Variants in CFD observed in about 807,000 individuals in gnomAD.
CFD encodes C3 convertase activator.
In CFD, 24 loss-of-function variants were observed where a neutral mutation model predicts 21.1. That is an observed-to-expected ratio of 1.14 (90% confidence interval 0.82 to 1.60). The LOEUF is 1.60. Among genes scored for constraint, CFD ranks in the 40% most tolerant of loss-of-function variants. CFD has a pLI of 0.00. For missense variants in CFD, 535 were observed against 383.3 expected, an observed-to-expected ratio of 1.40 and a Z score of -3.31; for synonymous variants, 242 against 175.9, an observed-to-expected ratio of 1.38 and a Z score of -2.97.
At chr19:860,536 G>T (rs899735197) in intron 1 of CFD, 81 bp from the exon 2 acceptor site, 10 of 1,322,100 alleles carry the variant, frequency 7.6e-6, no homozygotes, top group Non-Finnish European at 9.7e-6. Context: ...GGCCTGGGGG[G>T]TGAGAGCTGG....
chr19:861,845 CGTGCTCTTGCCA>C lies in CFD; in HGVS notation c.510_521del (p.Leu171_Leu174del). ...GCCGCCGCCCGGACAGCCTGCAGCA[CGTGCTCTTGCCA>C]GTGCTGGACCGCGCCACCTGCAACC... On this transcript the variant is annotated inframe_deletion, in exon 4 of 5. Coordinates refer to ENST00000327726, the MANE Select transcript of CFD (RefSeq NM_001928.4). 4 of 1,599,702 alleles carry C rather than the reference CGTGCTCTTGCCA, an allele frequency of 2.5e-6. No individual in the cohort carries two copies. Among genetic ancestry groups the C allele is most frequent in the Non-Finnish European group, 3.4e-6 (4 of 1,178,398 alleles).
chr19:860,686 C>A lies in CFD; in HGVS notation c.125C>A (p.Ser42Ter), dbSNP rs104894667. The change falls in exon 2 of 5, where the codon TCG (serine) becomes TAG (stop). Residue 42 changes from serine (S) to a stop codon, truncating the protein, a stop_gained. Transcript: ENST00000327726. LOFTEE classifies it high-confidence loss of function. ...AEAHARPYMASVQLNGAHLCG... is the reference protein window; with the variant it reads ...AEAHARPYMA Reference sequence around the variant, plus strand: ...GCGCACGCGCGGCCCTACATGGCGTCGGTGCAGCTGAACGGCGCGCACCTG... The same window carrying A: ...GCGCACGCGCGGCCCTACATGGCGTAGGTGCAGCTGAACGGCGCGCACCTG... 26 of 1,542,878 alleles carry A rather than the reference C, an allele frequency of 1.7e-5. No homozygotes were observed. The highest frequency in any genetic ancestry group is 2.4e-5 in the South Asian group (2 of 84,658).
At position 863,216 on chromosome 19, in the gene CFD, G is replaced by A. The variant is rs1165648866; in HGVS notation, c.740G>A (p.Trp247Ter). The A allele has an allele frequency of 5.2e-6, 8 of 1,544,590 alleles. No individual in the cohort carries two copies. Among genetic ancestry groups the A allele is most frequent in the African/African-American group, 1.4e-5 (1 of 73,880 alleles). ...ACCCGCGTGGCGAGCTATGCGGCCT[G>A]GATCGACAGCGTCCTGGCCTAGGGT... Reference protein sequence around the residue: ...IYTRVASYAAWIDSVLA With the variant: ...IYTRVASYAA Residue 247 changes from tryptophan to a stop codon, truncating the protein, a stop_gained, in exon 5 of 5, where the codon TGG becomes TAG. Transcript: ENST00000327726. LOFTEE classifies it high-confidence loss of function.
intron 3 of CFD, 69 bp downstream of exon 3, chr19:861,074 C>T: frequency 1.3e-6 from 2 of 1,515,024 alleles, no homozygotes; most frequent in Non-Finnish European, 1.8e-6. Context: ...TCCACCCCGC[C>T]TACACCGCGC....
Position 860,533 on chromosome 19 carries a change from G to C in CFD, c.56-84G>C, listed in dbSNP as rs554654291. 21 of 1,310,842 alleles carry C rather than the reference G, an allele frequency of 1.6e-5. No individual in the cohort carries two copies. The Admixed American group carries it at 2.0e-4, about 12-fold the overall frequency. The allele number at this position is 1,310,842 out of a possible 1,614,324, so 81.2% of individuals were successfully genotyped here. On this transcript the variant is annotated intron_variant, in intron 1 of 4. Transcript: ENST00000327726. ...GGGATTCTTGCGGGGAGCGGCCTGG[G>C]GGGTGAGAGCTGGGATCCCGTCAGG... is the stretch of plus-strand genomic sequence containing the variant.
rs1442661411 is a variant in CFD at position 863,150 on chromosome 19, G to C, written c.674G>C (p.Gly225Ala). Residue 225 changes from glycine (G) to alanine (A), a missense_variant, in exon 5 of 5, where the codon GGC becomes GCC. Physicochemically the swap from Gly to Ala is moderately conservative, Grantham distance 60 (BLOSUM62 0). Coordinates refer to ENST00000327726, the MANE Select transcript of CFD (RefSeq NM_001928.4). The stretch of plus-strand genomic sequence containing the variant: ...GTGCTCGAGGGCGTGGTCACCTCGG[G>C]CTCGCGCGTTTGCGGCAACCGCAAG... ...GGVLEGVVTS[G>A]SRVCGNRKKP... The C allele has an allele frequency of 4.6e-6, 7 of 1,535,864 alleles. No homozygotes were observed. Among genetic ancestry groups the C allele is most frequent in the Non-Finnish European group, 6.1e-6 (7 of 1,146,210 alleles).
chr19:860,457 C>T (rs2035770155), intron 1 of CFD, among the ~76,000 whole-genome samples, 160 bp from the exon 2 acceptor site: 1 of 151,484 alleles, frequency 6.6e-6, no homozygotes, highest in Non-Finnish European at 1.5e-5. Context: ...CGCCCCCGCG[C>T]GGCTTCACAA....
At position 861,872 on chromosome 19, in the gene CFD, C is replaced by T. The variant is rs1404455954; in HGVS notation, c.531C>T (p.Ala177=). ...TGCTCTTGCCAGTGCTGGACCGCGCCACCTGCAACCGGCGCACGCACCACG... is the reference window on the plus strand; with the variant it reads ...TGCTCTTGCCAGTGCTGGACCGCGCTACCTGCAACCGGCGCACGCACCACG... ...QHVLLPVLDR[A]TCNRRTHHDG... is the part of the protein sequence containing the mutation. Residue 177 remains alanine, a synonymous_variant, in exon 4 of 5, where the codon GCC becomes GCT. Transcript: ENST00000327726. 6.3e-7 allele frequency: 1 copy of T among 1,593,520 alleles called. No individual in the cohort carries two copies. The highest frequency in any genetic ancestry group is 8.5e-7 in the Non-Finnish European group (1 of 1,176,112).
chr19:863,008 G>T, intron 4 of CFD, 84 bp from the exon 5 acceptor site: 1 of 1,321,234 alleles, frequency 7.6e-7, no homozygotes. Flanking sequence ...TGTGGGGCGG[G>T]AGCGGCAGCC....
chr19:860,894 G>T lies in CFD; in HGVS notation c.246G>T (p.Ala82=). Residue 82 remains alanine, a synonymous_variant, in exon 3 of 5, where the codon GCG becomes GCT. Transcript: ENST00000327726. ...GGAAGGTGCAGGTTCTCCTGGGCGC[G>T]CACTCCCTGTCGCAGCCGGAGCCCT... ...ADGKVQVLLG[A]HSLSQPEPSK... 1 of 1,587,054 alleles carries T rather than the reference G, an allele frequency of 6.3e-7. No homozygotes were observed. The highest frequency in any genetic ancestry group is 8.5e-7 in the Non-Finnish European group (1 of 1,172,464).
chr19:862,080 C>T (rs1238006560), intron 4 of CFD, 124 bp downstream of exon 4: 2 of 477,094 alleles, frequency 4.2e-6, no homozygotes, highest in Non-Finnish European at 5.1e-6. Flanking sequence ...GCGTAGGGGG[C>T]GGGAACTGGA....
Position 863,304 on chromosome 19 carries a change from C to G in CFD, c.*66C>G. 1.3e-6 allele frequency: 2 copies of G among 1,525,250 alleles called. No homozygotes were observed. Among genetic ancestry groups the G allele is most frequent in the East Asian group, 4.9e-5 (2 of 41,188 alleles). The allele number at this position is 1,525,250 out of a possible 1,614,324, so 94.5% of individuals were successfully genotyped here. ...GTCCCGAGCAATGAAGTCATCCACTCCTGCATCTGGTTGGTCTTTATTGAG... is the reference window on the plus strand; with the variant it reads ...GTCCCGAGCAATGAAGTCATCCACTGCTGCATCTGGTTGGTCTTTATTGAG... On this transcript the variant is annotated 3_prime_UTR_variant, in exon 5 of 5. Coordinates refer to ENST00000327726, the MANE Select transcript of CFD (RefSeq NM_001928.4).
In CFD at chr19:860,963, C is replaced by T. The variant is rs759955297; in HGVS notation, c.315C>T (p.Asp105=). ...YDVLRAVPHP[D]SQPDTIDHDL... is the part of the protein sequence containing the mutation. ...TGCTCCGCGCAGTGCCCCACCCGGA[C>T]AGCCAGCCCGACACCATCGACCACG... Residue 105 remains aspartate, a synonymous_variant, in exon 3 of 5, where the codon GAC becomes GAT. Transcript: ENST00000327726. 1.2e-6 allele frequency: 2 copies of T among 1,600,460 alleles called. No homozygotes were observed. The highest frequency in any genetic ancestry group is 2.2e-5 in the South Asian group (2 of 91,046).
At chr19:859,794 G>A (rs1316269507) in intron 1 of CFD, 50 bp downstream of exon 1, 2 of 1,427,088 alleles carry the variant, frequency 1.4e-6, no homozygotes, top group South Asian at 1.2e-5. Context: ...TAGGGGCGTG[G>A]TGCTCCCTTC....
In CFD at chr19:860,855, C is replaced by T. The variant is rs1200341283; in HGVS notation, c.213-6C>T. ...GCACCGACCGCGGACTCCGTCCGGTCCCCAGGGCCGACGGGAAGGTGCAGG... is the reference window on the plus strand; with the variant it reads ...GCACCGACCGCGGACTCCGTCCGGTTCCCAGGGCCGACGGGAAGGTGCAGG... On this transcript the variant is annotated splice_polypyrimidine_tract_variant and splice_region_variant and intron_variant, in intron 2 of 4. Coordinates refer to ENST00000327726, the MANE Select transcript of CFD (RefSeq NM_001928.4). The T allele has an allele frequency of 6.4e-7, 1 of 1,567,182 alleles. No individual in the cohort carries two copies. Among genetic ancestry groups the T allele is most frequent in the Non-Finnish European group, 8.6e-7 (1 of 1,162,786 alleles).
chr19:862,703 G>C (rs2035820636), intron 4 of CFD, among the ~76,000 whole-genome samples: 1 of 151,542 alleles, frequency 6.6e-6, no homozygotes, highest in South Asian at 2.1e-4. Context: ...CCTGAGGTGA[G>C]TGGGGACTGA....
rs775029790 is a variant in CFD at position 863,240 on chromosome 19, G to A, written c.*2G>A. The A allele has an allele frequency of 2.6e-6, 4 of 1,547,412 alleles. No homozygotes were observed. Among genetic ancestry groups the A allele is most frequent in the Non-Finnish European group, 3.5e-6 (4 of 1,153,162 alleles). ...TGGATCGACAGCGTCCTGGCCTAGG[G>A]TGCCGGGGCCTGAAGGTCAGGGTCA... is the stretch of plus-strand genomic sequence containing the variant. On this transcript the variant is annotated 3_prime_UTR_variant, in exon 5 of 5. Coordinates refer to ENST00000327726, the MANE Select transcript of CFD (RefSeq NM_001928.4).
At chr19:862,920 T>G (rs1027433739) in intron 4 of CFD, among the ~76,000 whole-genome samples, 172 bp from the exon 5 acceptor site, 1 of 151,628 alleles carries the variant, frequency 6.6e-6, no homozygotes, top group African/African-American at 2.4e-5. Flanking sequence ...GGCTTGTGGT[T>G]GTGGCCTAGG....
Position 863,173 on chromosome 19 carries a change from AAG to A in CFD, c.699_700del (p.Lys234AlafsTer109). On this transcript the variant is annotated frameshift_variant, in exon 5 of 5. Transcript: ENST00000327726. LOFTEE classifies it low-confidence loss of function (END_TRUNC). Reference sequence around the variant, plus strand: ...GGGCTCGCGCGTTTGCGGCAACCGCAAGAAGCCCGGGATCTACACCCGCGTGG... The same window carrying A: ...GGGCTCGCGCGTTTGCGGCAACCGCAAAGCCCGGGATCTACACCCGCGTGG... ...TSGSRVCGNR[K>X]KPGIYTRVAS... 1 of 1,471,730 alleles carries A rather than the reference AAG, an allele frequency of 6.8e-7. No individual in the cohort carries two copies. The allele number at this position is 1,471,730 out of a possible 1,614,324, so 91.2% of individuals were successfully genotyped here. A position where few individuals can be genotyped will look rare whatever the true frequency, so the allele number is the denominator to read the frequency against.
Sources: allele counts gnomAD v4.1 joint callset (sites outside exome capture counted in the v4.1 genomes callset), GRCh38; gene constraint gnomAD v4.1.1; transcripts MANE v1.5; gene names NCBI Gene and HGNC (gene_info 2026-07-23, HGNC 2026-07-21).